Variants in CHN1 observed in about 807,000 individuals in gnomAD.
CHN1 encodes the protein N-chimaerin.
CHN1 carries 37 observed loss-of-function variants against 59.5 expected under a neutral mutation model. The ratio of observed to expected loss-of-function variants is 0.62; its 90% confidence interval spans 0.48 to 0.82. The LOEUF (loss-of-function observed/expected upper bound fraction) is 0.82. Ranked by LOEUF, CHN1 falls within the 40% of genes least tolerant of loss-of-function variation. CHN1 has a pLI of 0.00. For missense variants in CHN1, 469 were observed against 571.0 expected (o/e 0.82, Z 1.82); for synonymous variants, 206 against 200.4 (o/e 1.03, Z -0.24).
In CHN1 at chr2:174,824,458, T is replaced by C. The variant is rs371381906; in HGVS notation, c.688A>G (p.Ile230Val). The C allele has an allele frequency of 3.7e-6, 6 of 1,606,496 alleles. No individual in the cohort carries two copies. The highest frequency in any genetic ancestry group is 5.1e-6 in the Non-Finnish European group (6 of 1,176,832). ...EYCANFMWGL[I>V]AQGVKCADCG... is the part of the protein sequence containing the mutation. ...CCTGCACATTTCACTCCCTGAGCAA[T>C]GAGACCCCACATAAAGTTGGCACAG... The change falls in exon 8 of 13, where the codon ATT (isoleucine) becomes GTT (valine). Residue 230 changes from isoleucine (I) to valine (V), a missense_variant. Around this residue, in one of 5 missense-constraint regions of CHN1, gnomAD observed 3 missense variants for 17.9 expected, o/e 0.17. Transcript: ENST00000409900.
intron 1 of CHN1, among the ~76,000 whole-genome samples, chr2:174,985,233 T>C (rs903417816): frequency 6.6e-6 from 1 of 152,156 alleles, no homozygotes; most frequent in African/African-American, 2.4e-5. Flanking sequence ...ATAAACAATA[T>C]AAAACTTCCC....
intron 6 of CHN1, among the ~76,000 whole-genome samples, chr2:174,850,138 G>A (rs1686682035): frequency 6.6e-6 from 1 of 152,152 alleles, no homozygotes; most frequent in Admixed American, 6.5e-5. Context: ...GCACCAATTA[G>A]AAGTGATATC....
chr2:174,863,492 A>C (rs1687126515), intron 6 of CHN1, among the ~76,000 whole-genome samples: 2 of 152,264 alleles, frequency 1.3e-5, no homozygotes, highest in South Asian at 4.1e-4. Flanking sequence ...TACTCTTCTA[A>C]ATTTTTTTGT....
chr2:174,827,300 T>C (rs1430815224), intron 7 of CHN1, among the ~76,000 whole-genome samples: 2 of 152,174 alleles, frequency 1.3e-5, no homozygotes, highest in East Asian at 1.9e-4. Context: ...TGATGATCTA[T>C]ACAAAAATAA....
intron 1 of CHN1, among the ~76,000 whole-genome samples, chr2:174,955,232 G>A (rs113873090): frequency 1.4e-5 from 2 of 143,242 alleles, no homozygotes; most frequent in African/African-American, 5.1e-5. Flanking sequence ...TATAGATATA[G>A]ATATATAGAG....
chr2:174,817,856 C>T (rs1237976650), intron 8 of CHN1, among the ~76,000 whole-genome samples: 1 of 152,114 alleles, frequency 6.6e-6, no homozygotes, highest in African/African-American at 2.4e-5. Context: ...CCAGGATGGT[C>T]TCGATCTCCT....
chr2:174,900,782 G>A (rs1321142813), intron 5 of CHN1, among the ~76,000 whole-genome samples: 2 of 151,138 alleles, frequency 1.3e-5, no homozygotes, highest in Non-Finnish European at 2.9e-5. Context: ...CCCAGCCTGG[G>A]CAAAAAGAGC....
chr2:174,843,901 G>C (rs533973760), intron 7 of CHN1, among the ~76,000 whole-genome samples: 1 of 152,078 alleles, frequency 6.6e-6, no homozygotes, highest in African/African-American at 2.4e-5. Flanking sequence ...CAGAATGCAT[G>C]GCACAATCAT....
intron 3 of CHN1, among the ~76,000 whole-genome samples, chr2:174,925,747 A>G (rs1296922100): frequency 6.6e-6 from 1 of 152,228 alleles, no homozygotes; most frequent in African/African-American, 2.4e-5. Context: ...GAATCCACCT[A>G]TGACTGTAAC....
In CHN1 at chr2:174,915,002, C is replaced by T. The variant is rs546694930; in HGVS notation, c.260+56G>A. 1.1e-4 allele frequency: 110 copies of T among 1,024,894 alleles called. 1 individual carries two copies. In the African/African-American group the frequency reaches 1.7e-3, roughly 16 times the overall value. 63.5% of individuals were successfully genotyped at this position (1,024,894 alleles called of 1,614,324 possible). A position where few individuals can be genotyped will look rare whatever the true frequency, so the allele number is the denominator to read the frequency against. On this transcript the variant is annotated intron_variant, in intron 5 of 12. Coordinates refer to ENST00000409900, the MANE Select transcript of CHN1 (RefSeq NM_001822.7). ...CTGAATGCTTTTAAAATTTAAAGCC[C>T]TATATTAAGAGAGTTTTAAATAAAG... is the stretch of plus-strand genomic sequence containing the variant.
chr2:174,909,034 C>CT (rs1688618731), intron 5 of CHN1, among the ~76,000 whole-genome samples: 1 of 152,132 alleles, frequency 6.6e-6, no homozygotes, highest in African/African-American at 2.4e-5. Flanking sequence ...TTACAAAACT[C>CT]TTTGACACCT....
At chr2:174,958,694 T>C (rs1421285869) in intron 1 of CHN1, among the ~76,000 whole-genome samples, 1 of 152,234 alleles carries the variant, frequency 6.6e-6, no homozygotes, top group Non-Finnish European at 1.5e-5. Flanking sequence ...ATTTATAAAA[T>C]GGAATAACAA....
chr2:174,915,594 C>T (rs948760956), intron 4 of CHN1, among the ~76,000 whole-genome samples: 3 of 151,742 alleles, frequency 2.0e-5, no homozygotes, highest in African/African-American at 7.3e-5. Flanking sequence ...TTGGCTGAGT[C>T]TATGTTGGCA....
At chr2:174,833,585 T>C (rs1685955164) in intron 7 of CHN1, among the ~76,000 whole-genome samples, 1 of 152,210 alleles carries the variant, frequency 6.6e-6, no homozygotes, top group South Asian at 2.1e-4. Flanking sequence ...TTGTCCAACC[T>C]GACAATCTCT....
chr2:174,836,092 G>A (rs887337237), intron 7 of CHN1, among the ~76,000 whole-genome samples: 3 of 152,046 alleles, frequency 2.0e-5, no homozygotes, highest in South Asian at 4.1e-4. Context: ...CCTCCCCCAC[G>A]ACCCCACCCT....
intron 7 of CHN1, among the ~76,000 whole-genome samples, chr2:174,831,238 T>C (rs186688776): frequency 1.4e-4 from 21 of 152,344 alleles, no homozygotes; most frequent in Admixed American, 1.0e-3. Context: ...CAATTCAATA[T>C]TGGCCTTATT....
intron 1 of CHN1, among the ~76,000 whole-genome samples, chr2:174,970,119 T>G (rs1690715035): frequency 1.3e-5 from 2 of 152,104 alleles, no homozygotes; most frequent in Admixed American, 6.5e-5. Context: ...AGTTTTAAAG[T>G]ATTGGTTTTG....
chr2:174,885,062 C>T (rs927923626), intron 5 of CHN1, among the ~76,000 whole-genome samples: 13 of 151,162 alleles, frequency 8.6e-5, no homozygotes, highest in African/African-American at 2.2e-4. Flanking sequence ...CCAAGGTGGG[C>T]GGATCACGAG....
chr2:174,988,586 T>C (rs975993142), intron 1 of CHN1, among the ~76,000 whole-genome samples: 3 of 152,196 alleles, frequency 2.0e-5, no homozygotes, highest in African/African-American at 4.8e-5. Flanking sequence ...TGAGACAATA[T>C]GACAGATAAT....
Sources: gnomAD v4.1 joint callset for allele counts (sites outside exome capture counted in the v4.1 genomes callset) on GRCh38, gnomAD v4.1.1 for gene constraint, gnomAD v4.1.1 regional missense constraint, MANE v1.5 for transcripts, NCBI Gene and HGNC (gene_info 2026-07-23, HGNC 2026-07-21) for gene names.